Variants in SLC24A4 observed in about 807,000 individuals in gnomAD.
SLC24A4 encodes the protein solute carrier family 24 member 4.
Under a neutral mutation model 79.0 loss-of-function variants are expected in SLC24A4, and 53 were observed. The ratio of observed to expected loss-of-function variants is 0.67; its 90% CI spans 0.54 to 0.84. The LOEUF is 0.84. Among genes scored for constraint, SLC24A4 ranks in the 40% least tolerant of loss-of-function variants. SLC24A4 has a pLI of 0.00. For missense variants in SLC24A4, 731 were observed against 822.0 expected, an observed-to-expected ratio of 0.89 and a Z score of 1.35; for synonymous variants, 323 against 323.8, an observed-to-expected ratio of 1.00 and a Z score of 0.03.
rs2139957365 is a variant in SLC24A4, at chr14:92,495,526, C to G, written c.*1898C>G. On this transcript the variant is annotated 3_prime_UTR_variant, in exon 17 of 17. Transcript: ENST00000532405. ...CTTCAGCTGCAGGGATTCCAGAGCC[C>G]TCGGGACCACTCTGTCACCTTAATA... 1 of 152,240 alleles carries G rather than the reference C, an allele frequency of 6.6e-6. No homozygotes were observed. The highest frequency in any genetic ancestry group is 1.9e-4 in the East Asian group (1 of 5,184). 9.4% of individuals were successfully genotyped at this position (152,240 alleles called of 1,614,324 possible). A position where few individuals can be genotyped will look rare whatever the true frequency, so the allele number is the denominator to read the frequency against.
At chr14:92,485,534 G>A (rs903492462) in intron 13 of SLC24A4, among the ~76,000 whole-genome samples, 9 of 151,690 alleles carry the variant, frequency 5.9e-5, no homozygotes, top group African/African-American at 2.2e-4. Context: ...AAAGAAAACT[G>A]TGCCTTAAGT....
intron 2 of SLC24A4, among the ~76,000 whole-genome samples, chr14:92,354,211 G>A (rs1015782463): frequency 1.6e-4 from 24 of 151,108 alleles, no homozygotes; most frequent in Middle Eastern, 3.4e-3. Flanking sequence ...CTGTCGCCCA[G>A]GCTGGAGTGC....
At chr14:92,355,420 C>G (rs1477001384) in intron 2 of SLC24A4, among the ~76,000 whole-genome samples, 2 of 152,214 alleles carry the variant, frequency 1.3e-5, no homozygotes, top group Non-Finnish European at 2.9e-5. Context: ...TGAGGTCTCA[C>G]TCTCAGGTAG....
intron 2 of SLC24A4, among the ~76,000 whole-genome samples, chr14:92,430,941 C>G (rs553762060): frequency 6.6e-6 from 1 of 152,366 alleles, no homozygotes; most frequent in East Asian, 1.9e-4. Flanking sequence ...GCTCAGCCCC[C>G]TCAGACACGC....
chr14:92,362,319 G>T (rs1299614156), intron 2 of SLC24A4, among the ~76,000 whole-genome samples: 1 of 152,060 alleles, frequency 6.6e-6, no homozygotes, highest in East Asian at 1.9e-4. Context: ...CTTGGCACCT[G>T]CAGCCTTCTG....
At chr14:92,483,243 G>C (rs868534983) in intron 13 of SLC24A4, among the ~76,000 whole-genome samples, 35 of 152,308 alleles carry the variant, frequency 2.3e-4, no homozygotes, top group African/African-American at 7.7e-4. Flanking sequence ...AAGGCAGCTT[G>C]TTCCTTGCTC....
chr14:92,396,705 G>A (rs1010540593), intron 2 of SLC24A4, among the ~76,000 whole-genome samples: 2 of 152,262 alleles, frequency 1.3e-5, no homozygotes, highest in Admixed American at 6.5e-5. Context: ...GATGCCCAGC[G>A]TGCCCAATTT....
chr14:92,342,970 A>G (rs995975134), intron 2 of SLC24A4, among the ~76,000 whole-genome samples: 5 of 152,208 alleles, frequency 3.3e-5, no homozygotes, highest in Non-Finnish European at 4.4e-5. Flanking sequence ...ACAAGGGCGA[A>G]TGGGCCTCTG....
At chr14:92,325,282 G>C (rs1410515501) in intron 1 of SLC24A4, among the ~76,000 whole-genome samples, 2 of 152,300 alleles carry the variant, frequency 1.3e-5, no homozygotes, top group African/African-American at 4.8e-5. Context: ...GCTTGGTTGC[G>C]GGCCTCCGCA....
chr14:92,417,474 GAA>G (rs1891042159), intron 2 of SLC24A4, among the ~76,000 whole-genome samples: 1 of 152,106 alleles, frequency 6.6e-6, no homozygotes, highest in African/African-American at 2.4e-5. Flanking sequence ...AGTTTATAAA[GAA>G]AAAAGTTACA....
intron 2 of SLC24A4, among the ~76,000 whole-genome samples, chr14:92,354,553 A>G (rs1887069074): frequency 6.6e-6 from 1 of 152,246 alleles, no homozygotes; most frequent in Admixed American, 6.5e-5. Flanking sequence ...AACAGCAAGT[A>G]GGCAAAGTAT....
chr14:92,432,401 T>C (rs536516736), intron 2 of SLC24A4, among the ~76,000 whole-genome samples: 2 of 152,316 alleles, frequency 1.3e-5, no homozygotes, highest in South Asian at 4.1e-4. Flanking sequence ...ATTGGATAAA[T>C]CAGTCAGCTC....
chr14:92,394,873 A>G (rs1486877168), intron 2 of SLC24A4, among the ~76,000 whole-genome samples: 1 of 152,136 alleles, frequency 6.6e-6, no homozygotes, highest in African/African-American at 2.4e-5. Context: ...GAGGAAGTAA[A>G]TGATATTTAA....
intron 12 of SLC24A4, chr14:92,457,592 A>G (rs1893552155): frequency 6.6e-6 from 1 of 152,648 alleles, no homozygotes; most frequent in Non-Finnish European, 1.5e-5. Context: ...TATCCGTCAA[A>G]TGAATCCAGG....
At chr14:92,370,078 T>C (rs986811737) in intron 2 of SLC24A4, among the ~76,000 whole-genome samples, 9 of 152,244 alleles carry the variant, frequency 5.9e-5, no homozygotes, top group African/African-American at 2.2e-4. Context: ...TTGTATTCTT[T>C]AAAGTCTTCT....
At chr14:92,449,363 C>A in intron 10 of SLC24A4, 147 bp downstream of exon 10, 1 of 1,159,688 alleles carries the variant, frequency 8.6e-7, no homozygotes, top group Non-Finnish European at 1.2e-6. Context: ...CACTCTCTTA[C>A]CTTTGACCAC....
Position 92,489,587 on chromosome 14 carries a change from C to T in SLC24A4, c.1538-2078C>T, listed in dbSNP as rs542172697. Reference sequence around the variant, plus strand: ...GCAGCACATAGCATGGTCCTAGCCCCGAGCATCGGCTTGACCTGGGAGCTG... The same window carrying T: ...GCAGCACATAGCATGGTCCTAGCCCTGAGCATCGGCTTGACCTGGGAGCTG... On this transcript the variant is annotated intron_variant, in intron 14 of 16. Coordinates refer to ENST00000532405, the MANE Select transcript of SLC24A4 (RefSeq NM_153646.4). 7.2e-5 allele frequency among the ~76,000 whole-genome samples: 11 copies of T among 152,186 alleles called. No individual in the cohort carries two copies. In the South Asian group the frequency reaches 1.9e-3, roughly 26 times the overall value.
intron 12 of SLC24A4, among the ~76,000 whole-genome samples, 183 bp from the exon 13 acceptor site, chr14:92,482,497 T>A (rs1414681209): frequency 6.6e-6 from 1 of 152,242 alleles, no homozygotes; most frequent in Non-Finnish European, 1.5e-5. Context: ...CTTACTGAAT[T>A]GTCTTGCCAC....
At chr14:92,370,072 A>G (rs1888065952) in intron 2 of SLC24A4, among the ~76,000 whole-genome samples, 1 of 152,364 alleles carries the variant, frequency 6.6e-6, no homozygotes, top group Admixed American at 6.5e-5. Context: ...TATTCATTGT[A>G]TTCTTTAAAG....
Sources: gnomAD v4.1 joint callset for allele counts (sites outside exome capture counted in the v4.1 genomes callset) on GRCh38, gnomAD v4.1.1 for gene constraint, MANE v1.5 for transcripts, NCBI Gene and HGNC (gene_info 2026-07-23, HGNC 2026-07-21) for gene names.